Variants in GFAP observed in about 807,000 individuals in gnomAD.
GFAP encodes intermediate filament protein.
A neutral mutation model predicts 49.3 loss-of-function variants in GFAP; 38 were observed. The ratio of observed to expected loss-of-function variants is 0.77; its 90% CI spans 0.60 to 1.01. GFAP has a LOEUF of 1.01. Among genes scored for constraint, GFAP ranks in the 50% least tolerant of loss-of-function variants. The pLI is 0.00. For missense variants in GFAP, 463 were observed against 579.1 expected (o/e 0.80, Z 2.06); for synonymous variants, 222 against 236.4 (o/e 0.94, Z 0.56).
chr17:44,913,193 C>T (rs2051812827), intron 4 of GFAP, 76 bp downstream of exon 4: 7 of 1,416,020 alleles, frequency 4.9e-6, no homozygotes, highest in African/African-American at 4.2e-5. Context: ...CTTCCTCCAC[C>T]CTCCTTCCCC....
intron 8 of GFAP, 164 bp from the exon 9 acceptor site, chr17:44,907,552 T>C (rs1047210125): frequency 5.8e-6 from 4 of 694,440 alleles, no homozygotes; most frequent in Non-Finnish European, 1.1e-5. Context: ...GAGGGGGTGG[T>C]GAGATAACAC....
Position 44,911,265 on chromosome 17 carries a change from G to A in GFAP, c.1098C>T (p.Tyr366=). The A allele has an allele frequency of 1.9e-6, 3 of 1,614,144 alleles. No homozygotes were observed. The highest frequency in any genetic ancestry group is 2.5e-6 in the Non-Finnish European group (3 of 1,180,010). Residue 366 remains tyrosine, a synonymous_variant, in exon 6 of 9, where the codon TAC becomes TAT. Transcript: ENST00000588735. ...TCTCCTCGCCCTCTAGCAGCTTCCT[G>A]TAGGTGGCGATCTCGATGTCCAGGG... The part of the protein sequence containing the change: ...KLALDIEIAT[Y]RKLLEGEENR...
In GFAP at chr17:44,907,591, G is replaced by A. The variant is rs76930174; in HGVS notation, c.1258-203C>T. The A allele has an allele frequency of 9.8e-3, 6,286 of 642,712 alleles. 274 individuals carry two copies. Among genetic ancestry groups the A allele is most frequent in the African/African-American group, 0.094 (5,236 of 55,988 alleles). The allele number at this position is 642,712 out of a possible 1,614,324, so 39.8% of individuals were successfully genotyped here. On this transcript the variant is annotated intron_variant, in intron 8 of 8. Coordinates refer to ENST00000588735, the MANE Select transcript of GFAP (RefSeq NM_002055.5). ...GAAAGCATTTAGCGTCATGCCTGGC[G>A]AGTGGTAAGCTGCTGGAGTAAGATG... is the stretch of plus-strand genomic sequence containing the variant.
chr17:44,909,637 A>G (rs2051714547), intron 7 of GFAP: 2 of 78,282 alleles, frequency 2.6e-5, no homozygotes, highest in Non-Finnish European at 5.1e-5. Context: ...GCCCCGCCCG[A>G]GAGAGAAAAA....
Position 44,907,383 on chromosome 17 carries a change from A to G in GFAP, c.1263T>C (p.Ile421=), listed in dbSNP as rs2051669357. 1.9e-6 allele frequency: 3 copies of G among 1,612,136 alleles called. No homozygotes were observed. The highest frequency in any genetic ancestry group is 1.3e-5 in the African/African-American group (1 of 74,786). ...KTVEMRDGEV[I]KESKQEHKDV... is the part of the protein sequence containing the mutation. The stretch of plus-strand genomic sequence containing the variant: ...CCTTGTGCTCCTGCTTGGACTCCTT[A>G]ATGACCTGCAGGGGACAGGGAACGT... The change falls in exon 9 of 9, where the codon ATT becomes ATC. Residue 421 remains isoleucine (I), a synonymous_variant. Transcript: ENST00000588735.
chr17:44,911,816 T>C lies in GFAP; in HGVS notation c.781-19A>G. On this transcript the variant is annotated intron_variant, in intron 4 of 8. Transcript: ENST00000588735. ...CTGCAAACTAGGTGGGGGACACATATGGGGGGCTGTGTGGGCCCATGGGCA... is the reference window on the plus strand; with the variant it reads ...CTGCAAACTAGGTGGGGGACACATACGGGGGGCTGTGTGGGCCCATGGGCA... 1.2e-6 allele frequency: 2 copies of C among 1,607,412 alleles called. No individual in the cohort carries two copies. The highest frequency in any genetic ancestry group is 2.2e-5 in the South Asian group (2 of 90,892).
At position 44,904,914 on chromosome 17, in the gene GFAP, A is replaced by T; in HGVS notation, c.*2433T>A. Reference sequence around the variant, plus strand: ...GGCTTCCGGCTGGGTGTGACATCTCATGGGCACTACCCAGCCTCGTTCTCA... The same window carrying T: ...GGCTTCCGGCTGGGTGTGACATCTCTTGGGCACTACCCAGCCTCGTTCTCA... On this transcript the variant is annotated 3_prime_UTR_variant, in exon 9 of 9. Transcript: ENST00000588735. 1 of 1,527,036 alleles carries T rather than the reference A, an allele frequency of 6.5e-7. No homozygotes were observed. The highest frequency in any genetic ancestry group is 8.9e-7 in the Non-Finnish European group (1 of 1,127,756). The allele number at this position is 1,527,036 out of a possible 1,614,324, so 94.6% of individuals were successfully genotyped here. A position where few individuals can be genotyped will look rare whatever the true frequency, so the allele number is the denominator to read the frequency against.
At position 44,908,152 on chromosome 17, in the gene GFAP, G is replaced by A. The variant is rs746173968; in HGVS notation, c.1172-3C>T. 4.4e-6 allele frequency: 7 copies of A among 1,604,550 alleles called. No homozygotes were observed. Among genetic ancestry groups the A allele is most frequent in the Non-Finnish European group, 6.0e-6 (7 of 1,171,570 alleles). On this transcript the variant is annotated splice_polypyrimidine_tract_variant and splice_region_variant and intron_variant, in intron 7 of 8. Coordinates refer to ENST00000588735, the MANE Select transcript of GFAP (RefSeq NM_002055.5). ...AGACTTGGTGTCCAGGCTGGTTTCT[G>A]CAGATGTGGGGAGAGGAGGCCTCTC...
intron 3 of GFAP, 49 bp downstream of exon 3, chr17:44,913,679 T>C: frequency 7.4e-7 from 1 of 1,352,966 alleles, no homozygotes; most frequent in Non-Finnish European, 1.1e-6. Flanking sequence ...TCTCCCTCTC[T>C]CAGTTGCAAT....
chr17:44,911,471 C>T lies in GFAP; in HGVS notation c.907-15G>A. Reference sequence around the variant, plus strand: ...AGGGACTCGTTCTGTGGGATGGAGCCGGCCGGTCCCGCGGAGCCCCGACCC... The same window carrying T: ...AGGGACTCGTTCTGTGGGATGGAGCTGGCCGGTCCCGCGGAGCCCCGACCC... On this transcript the variant is annotated splice_polypyrimidine_tract_variant and intron_variant, in intron 5 of 8. Transcript: ENST00000588735. The T allele has an allele frequency of 6.3e-7, 1 of 1,589,762 alleles. No individual in the cohort carries two copies.
Position 44,904,559 on chromosome 17 carries a change from G to A in GFAP, c.*2788C>T, listed in dbSNP as rs2051621020. ...GGTTCGGAGCTGCTTAGTACCCTGT[G>A]AGAAGACAAAGACCATCCGGGAGGG... On this transcript the variant is annotated 3_prime_UTR_variant, in exon 9 of 9. Transcript: ENST00000588735. 1 of 1,550,486 alleles carries A rather than the reference G, an allele frequency of 6.4e-7. No homozygotes were observed. The highest frequency in any genetic ancestry group is 1.2e-5 in the South Asian group (1 of 84,068).
rs753319383 is a variant in GFAP at position 44,908,112 on chromosome 17, G to A, written c.1209C>T (p.His403=). 2 of 1,609,628 alleles carry A rather than the reference G, an allele frequency of 1.2e-6. No individual in the cohort carries two copies. Among genetic ancestry groups the A allele is most frequent in the African/African-American group, 2.7e-5 (2 of 74,860 alleles). The stretch of plus-strand genomic sequence containing the variant: ...TCTTCACCACGATGTTCCTCTTGAG[G>A]TGGCCTTCTGACACAGACTTGGTGT... The part of the protein sequence containing the change: ...SLDTKSVSEG[H]LKRNIVVKTV... Residue 403 remains histidine, a synonymous_variant, in exon 8 of 9, where the codon CAC becomes CAT. Coordinates refer to ENST00000588735, the MANE Select transcript of GFAP (RefSeq NM_002055.5).
In GFAP at chr17:44,904,711, A is replaced by G; in HGVS notation, c.*2636T>C. The G allele has an allele frequency of 6.4e-7, 1 of 1,550,608 alleles. No individual in the cohort carries two copies. The highest frequency in any genetic ancestry group is 8.7e-7 in the Non-Finnish European group (1 of 1,147,006). ...TCATCTCCTGTCCTGGGGCCCGGCCAGAGCATGCAGTGGCCTGGGACAAAG... is the reference window on the plus strand; with the variant it reads ...TCATCTCCTGTCCTGGGGCCCGGCCGGAGCATGCAGTGGCCTGGGACAAAG... On this transcript the variant is annotated 3_prime_UTR_variant, in exon 9 of 9. Coordinates refer to ENST00000588735, the MANE Select transcript of GFAP (RefSeq NM_002055.5).
Position 44,905,024 on chromosome 17 carries a change from C to T in GFAP, c.*2323G>A, listed in dbSNP as rs1423574862. 7 of 1,549,742 alleles carry T rather than the reference C, an allele frequency of 4.5e-6. No homozygotes were observed. Among genetic ancestry groups the T allele is most frequent in the Admixed American group, 3.9e-5 (2 of 50,934 alleles). On this transcript the variant is annotated 3_prime_UTR_variant, in exon 9 of 9. Coordinates refer to ENST00000588735, the MANE Select transcript of GFAP (RefSeq NM_002055.5). ...AGTCTTTGTCACCATTCACTTCTGT[C>T]GTTGCTGCTGCTACTTATTTCACTG...
intron 4 of GFAP, 148 bp from the exon 5 acceptor site, chr17:44,911,945 G>C (rs2051782334): frequency 1.1e-6 from 1 of 878,492 alleles, no homozygotes; most frequent in Non-Finnish European, 1.8e-6. Context: ...CATGGATGCG[G>C]GCAGGGTAGC....
At position 44,903,448 on chromosome 17, in the gene GFAP, C is replaced by T. The variant is rs2145616449; in HGVS notation, c.*3899G>A. The T allele has an allele frequency of 8.0e-7, 1 of 1,252,508 alleles. No individual in the cohort carries two copies. Among genetic ancestry groups the T allele is most frequent in the Non-Finnish European group, 1.0e-6 (1 of 1,000,228 alleles). 77.6% of individuals were successfully genotyped at this position (1,252,508 alleles called of 1,614,324 possible). Reference sequence around the variant, plus strand: ...GTTGATGAAAGACTTTTCCACCAGGCTGGCAGGGCAGGGCCTGGAGCACTG... The same window carrying T: ...GTTGATGAAAGACTTTTCCACCAGGTTGGCAGGGCAGGGCCTGGAGCACTG... On this transcript the variant is annotated 3_prime_UTR_variant, in exon 9 of 9. Coordinates refer to ENST00000588735, the MANE Select transcript of GFAP (RefSeq NM_002055.5).
At chr17:44,907,890 G>T (rs1448038583) in intron 8 of GFAP, 174 bp downstream of exon 8, 2 of 723,110 alleles carry the variant, frequency 2.8e-6, no homozygotes, top group Non-Finnish European at 2.5e-6. Flanking sequence ...CCTATGGAGG[G>T]ACTGAGGAAA....
chr17:44,907,171 T>C lies in GFAP; in HGVS notation c.*176A>G. ...CTGGGTGGGTGCCGTCTGGCAGGCC[T>C]GATACTGACGGAGCCTAGGGCAGCA... On this transcript the variant is annotated 3_prime_UTR_variant, in exon 9 of 9. Coordinates refer to ENST00000588735, the MANE Select transcript of GFAP (RefSeq NM_002055.5). 1.5e-6 allele frequency: 1 copy of C among 668,478 alleles called. No homozygotes were observed. 41.4% of individuals were successfully genotyped at this position (668,478 alleles called of 1,614,324 possible).
chr17:44,913,922 G>T, intron 2 of GFAP, 99 bp from the exon 3 acceptor site: 1 of 1,328,036 alleles, frequency 7.5e-7, no homozygotes, highest in Non-Finnish European at 1.1e-6. Flanking sequence ...CTGGGGCAGT[G>T]GGGAGCAGCA....
Sources: allele counts gnomAD v4.1 joint callset, GRCh38; gene constraint gnomAD v4.1.1; transcripts MANE v1.5; gene names NCBI Gene and HGNC (gene_info 2026-07-23, HGNC 2026-07-21).